TRIO: variants seen among roughly 807,000 people sequenced by gnomAD.
The protein encoded by TRIO is triple functional domain protein.
A neutral mutation model predicts 351.9 loss-of-function variants in TRIO; 58 were observed. That is an observed-to-expected ratio of 0.16 (90% CI 0.13 to 0.21). The LOEUF (loss-of-function observed/expected upper bound fraction) is 0.21. Among genes scored for constraint, TRIO ranks in the 10% least tolerant of loss-of-function variants. TRIO has a pLI of 1.00. For synonymous variants in TRIO, 1,758 were observed against 1,595.7 expected (o/e 1.10, Z -2.42); for missense variants, 3,201 against 4,027.8 (o/e 0.79, Z 5.56).
intron 9 of TRIO, among the ~76,000 whole-genome samples, chr5:14,317,676 A>G (rs1739488062): frequency 6.6e-6 from 1 of 152,202 alleles, no homozygotes; most frequent in African/African-American, 2.4e-5. Context: ...TCTTCACTTC[A>G]TGTGAATCTG....
intron 44 of TRIO, 57 bp from the exon 45 acceptor site, chr5:14,481,476 GGTGAGCAC>G: frequency 6.3e-7 from 1 of 1,578,896 alleles, no homozygotes; most frequent in Non-Finnish European, 8.7e-7. Flanking sequence ...CAGGTCAGAG[GGTGAGCAC>G]GTCAGATTTT....
intron 19 of TRIO, among the ~76,000 whole-genome samples, chr5:14,375,577 C>T (rs962738909): frequency 3.3e-5 from 5 of 152,142 alleles, no homozygotes; most frequent in Non-Finnish European, 7.3e-5. Flanking sequence ...TATTTATGCT[C>T]GAGTCAGTGC....
intron 1 of TRIO, among the ~76,000 whole-genome samples, chr5:14,159,366 G>C (rs1788294883): frequency 6.6e-6 from 1 of 150,966 alleles, no homozygotes; most frequent in Admixed American, 6.6e-5. Context: ...CCTGTAGATT[G>C]TTTCAGTCCT....
intron 31 of TRIO, among the ~76,000 whole-genome samples, chr5:14,403,496 G>T (rs1748361359): frequency 1.8e-5 from 2 of 108,296 alleles, no homozygotes; most frequent in Non-Finnish European, 3.8e-5. Context: ...GGTGGTGGTG[G>T]TGAGGGTGTA....
intron 33 of TRIO, among the ~76,000 whole-genome samples, chr5:14,408,527 C>T (rs1356458654): frequency 6.6e-6 from 1 of 152,100 alleles, no homozygotes; most frequent in Non-Finnish European, 1.5e-5. Context: ...CATCTGATGC[C>T]TGATAGCATT....
chr5:14,159,260 T>G lies in TRIO; in HGVS notation c.157+15378T>G, dbSNP rs371962845. Among the ~76,000 whole-genome samples the G allele has an allele frequency of 2.4e-4, 36 of 152,232 alleles. No homozygotes were observed. The East Asian group carries it at 6.0e-3, about 25-fold the overall frequency. On this transcript the variant is annotated intron_variant, in intron 1 of 56. Coordinates refer to ENST00000344204, the MANE Select transcript of TRIO (RefSeq NM_007118.4). ...GATTTGACCAGGTTTCAGTTGTGATTTGATGGCATATTTGGAAATTTTGTG... is the reference window on the plus strand; with the variant it reads ...GATTTGACCAGGTTTCAGTTGTGATGTGATGGCATATTTGGAAATTTTGTG...
rs929552353 is a variant in TRIO at position 14,374,171 on chromosome 5, C to A, written c.3217-58C>A. 35 of 1,366,682 alleles carry A rather than the reference C, an allele frequency of 2.6e-5. No homozygotes were observed. In the African/African-American group the frequency reaches 4.7e-4, roughly 18 times the overall value. The allele number at this position is 1,366,682 out of a possible 1,614,324, so 84.7% of individuals were successfully genotyped here. A position where few individuals can be genotyped will look rare whatever the true frequency, so the allele number is the denominator to read the frequency against. Reference sequence around the variant, plus strand: ...ACGTTAGAGTGCAGTGATGTGTACTCCAAATACACGTTTGTAGAAGTCAAA... The same window carrying A: ...ACGTTAGAGTGCAGTGATGTGTACTACAAATACACGTTTGTAGAAGTCAAA... On this transcript the variant is annotated intron_variant, in intron 18 of 56. Transcript: ENST00000344204.
intron 1 of TRIO, among the ~76,000 whole-genome samples, chr5:14,170,256 A>G (rs1789015521): frequency 6.6e-6 from 1 of 152,170 alleles, no homozygotes; most frequent in Non-Finnish European, 1.5e-5. Context: ...TATAGATAAT[A>G]TCTAGCTTTT....
chr5:14,451,319 T>C (rs1234581066), intron 34 of TRIO, among the ~76,000 whole-genome samples: 5 of 152,156 alleles, frequency 3.3e-5, no homozygotes, highest in Non-Finnish European at 7.3e-5. Context: ...CACTGTGGTC[T>C]TTTCTTTATT....
chr5:14,249,205 T>C (rs1450367343), intron 1 of TRIO, among the ~76,000 whole-genome samples: 2 of 152,256 alleles, frequency 1.3e-5, no homozygotes, highest in Non-Finnish European at 2.9e-5. Context: ...GTCTTGTTGG[T>C]AAAACAGATT....
intron 9 of TRIO, among the ~76,000 whole-genome samples, chr5:14,329,037 G>A (rs982781058): frequency 2.2e-4 from 33 of 152,188 alleles, no homozygotes; most frequent in African/African-American, 7.5e-4. Flanking sequence ...AAGGTCAGTG[G>A]TTTGGAGCAA....
chr5:14,445,118 T>C (rs1226277312), intron 34 of TRIO, among the ~76,000 whole-genome samples: 1 of 152,170 alleles, frequency 6.6e-6, no homozygotes, highest in African/African-American at 2.4e-5. Context: ...GTGCTCAAAG[T>C]TGGCCTCAGG....
chr5:14,299,862 C>A (rs1304607222), intron 7 of TRIO, among the ~76,000 whole-genome samples: 1 of 152,246 alleles, frequency 6.6e-6, no homozygotes, highest in Non-Finnish European at 1.5e-5. Context: ...GCCGCCTTCT[C>A]TGTAAGGATT....
intron 1 of TRIO, among the ~76,000 whole-genome samples, chr5:14,180,182 C>G (rs931998938): frequency 2.8e-5 from 4 of 142,226 alleles, no homozygotes; most frequent in African/African-American, 7.8e-5. Context: ...CCCTAGTTTT[C>G]TGGCACAACC....
At chr5:14,244,430 A>G (rs1006321858) in intron 1 of TRIO, among the ~76,000 whole-genome samples, 7 of 152,204 alleles carry the variant, frequency 4.6e-5, no homozygotes, top group African/African-American at 1.2e-4. Context: ...TTTTGAGACT[A>G]TTAAAGATAC....
intron 18 of TRIO, 24 bp from the exon 19 acceptor site, chr5:14,374,205 A>C: frequency 6.3e-7 from 1 of 1,592,662 alleles, no homozygotes; most frequent in East Asian, 2.2e-5. Flanking sequence ...AATTAGCAAC[A>C]CATTGCTCTC....
At chr5:14,430,684 GTTTTATTTTATTTTATTTTA>G (rs375606260) in intron 34 of TRIO, among the ~76,000 whole-genome samples, 1 of 94,294 alleles carries the variant, frequency 1.1e-5, no homozygotes, top group Admixed American at 1.1e-4. Context: ...AGTGAATTTC[GTTTTATTTTATTTTATTTTA>G]TTTTATTTTA....
chr5:14,181,618 C>T (rs535921839), intron 1 of TRIO, among the ~76,000 whole-genome samples: 14 of 152,326 alleles, frequency 9.2e-5, no homozygotes, highest in South Asian at 4.1e-4. Context: ...CCTGTGTCTA[C>T]GGTTGCCCCC....
At chr5:14,327,398 A>G (rs888117885) in intron 9 of TRIO, among the ~76,000 whole-genome samples, 3 of 152,178 alleles carry the variant, frequency 2.0e-5, no homozygotes, top group African/African-American at 7.2e-5. Context: ...TCCTGACCTC[A>G]GGTGATCTGC....
Sources: allele counts gnomAD v4.1 joint callset (sites outside exome capture counted in the v4.1 genomes callset), GRCh38; gene constraint gnomAD v4.1.1; transcripts MANE v1.5; gene names NCBI Gene and HGNC (gene_info 2026-07-23, HGNC 2026-07-21).